The following VTI1A variants were observed in gnomAD, a reference collection of about 807,000 sequenced individuals.
The protein encoded by VTI1A is vesicle transport through interaction with t-SNAREs homolog 1A.
In VTI1A, 22 loss-of-function variants were observed where a neutral mutation model predicts 34.9. The ratio of observed to expected loss-of-function variants is 0.63; its 90% confidence interval spans 0.45 to 0.90. The LOEUF is 0.90. Among genes scored for constraint, VTI1A ranks in the 40% least tolerant of loss-of-function variants. The pLI is 0.00. For synonymous variants in VTI1A, 87 were observed against 97.3 expected, an observed-to-expected ratio of 0.89 and a Z score of 0.62; for missense variants, 268 against 275.6, an observed-to-expected ratio of 0.97 and a Z score of 0.20.
chr10:112,838,113 G>A, the VTI1A span, among the ~76,000 whole-genome samples: 1 of 152,254 alleles, frequency 6.6e-6, no homozygotes, highest in African/African-American at 2.4e-5. Flanking sequence ...CTGGTACTGA[G>A]TGCTTCTCCC....
chr10:112,793,934 C>T (rs901773696), intron 7 of VTI1A, among the ~76,000 whole-genome samples: 2 of 152,130 alleles, frequency 1.3e-5, no homozygotes, highest in African/African-American at 2.4e-5. Flanking sequence ...CAAGCTGTGT[C>T]GGCAAAAGCC....
chr10:112,668,357 A>T (rs1473516528), intron 6 of VTI1A, 69 bp downstream of exon 6: 1 of 1,497,540 alleles, frequency 6.7e-7, no homozygotes, highest in Non-Finnish European at 9.2e-7. Flanking sequence ...GCATTGGGAC[A>T]TAAACAATAG....
chr10:112,599,604 A>G (rs940351114), intron 5 of VTI1A, among the ~76,000 whole-genome samples: 15 of 152,162 alleles, frequency 9.9e-5, no homozygotes, highest in Admixed American at 5.2e-4. Context: ...TTTTTTAAAC[A>G]GAGTCTCACC....
chr10:112,589,668 T>C lies in VTI1A; in HGVS notation c.427+51338T>C, dbSNP rs141453887. On this transcript the variant is annotated intron_variant, in intron 5 of 7. Coordinates refer to ENST00000393077, the MANE Select transcript of VTI1A (RefSeq NM_145206.4). ...CACGGTTGCAAGTGCTCTACATGTA[T>C]TAAGTCTTCTCTGCAACCCTCTGGG... 5.7e-3 allele frequency among the ~76,000 whole-genome samples: 872 copies of C among 152,312 alleles called. 16 individuals are homozygous for C. Among genetic ancestry groups the C allele is most frequent in the African/African-American group, 0.02 (844 of 41,556 alleles).
At chr10:112,520,779 A>G (rs528459430) in intron 3 of VTI1A, among the ~76,000 whole-genome samples, 3 of 151,996 alleles carry the variant, frequency 2.0e-5, no homozygotes, top group African/African-American at 7.2e-5. Context: ...TTTATAGCCA[A>G]AACATAAATA....
chr10:112,585,389 T>TA (rs1844105220), intron 5 of VTI1A, among the ~76,000 whole-genome samples: 1 of 152,210 alleles, frequency 6.6e-6, no homozygotes, highest in Non-Finnish European at 1.5e-5. Context: ...TACAGCTTGT[T>TA]ACTTTTTTTT....
At chr10:112,503,363 AT>A (rs2134160112) in intron 3 of VTI1A, among the ~76,000 whole-genome samples, 1 of 152,248 alleles carries the variant, frequency 6.6e-6, no homozygotes, top group South Asian at 2.1e-4. Context: ...AACATGTGAT[AT>A]TTGCCTTCGT....
intron 5 of VTI1A, among the ~76,000 whole-genome samples, chr10:112,553,482 A>G (rs961231029): frequency 6.6e-6 from 1 of 152,254 alleles, no homozygotes; most frequent in East Asian, 1.9e-4. Context: ...TAGTAACGCT[A>G]GCTGCTGTAA....
intron 7 of VTI1A, among the ~76,000 whole-genome samples, chr10:112,683,782 A>G (rs1321643682): frequency 2.0e-5 from 3 of 152,190 alleles, no homozygotes; most frequent in Non-Finnish European, 2.9e-5. Flanking sequence ...GGTGGCTTAC[A>G]CCTTAATCCC....
chr10:112,511,758 A>G (rs190089292), intron 3 of VTI1A, among the ~76,000 whole-genome samples: 1 of 151,822 alleles, frequency 6.6e-6, no homozygotes, highest in Non-Finnish European at 1.5e-5. Flanking sequence ...CTATATTTCC[A>G]CCGTCTACCT....
intron 5 of VTI1A, among the ~76,000 whole-genome samples, chr10:112,626,175 G>A (rs1171456626): frequency 6.6e-6 from 1 of 152,124 alleles, no homozygotes; most frequent in Non-Finnish European, 1.5e-5. Context: ...TCCTTTTTCA[G>A]ATGATGTGGC....
chr10:112,647,403 C>T (rs1240484278), intron 5 of VTI1A, among the ~76,000 whole-genome samples: 6 of 152,204 alleles, frequency 3.9e-5, no homozygotes, highest in Admixed American at 3.9e-4. Context: ...AAATCATCAA[C>T]ACACTATTTC....
intron 5 of VTI1A, among the ~76,000 whole-genome samples, chr10:112,597,155 A>G (rs1186321030): frequency 6.6e-6 from 1 of 152,148 alleles, no homozygotes; most frequent in African/African-American, 2.4e-5. Context: ...GAGAGTCCTG[A>G]CATTTCCACT....
At chr10:112,768,789 A>G (rs1851718964) in intron 7 of VTI1A, among the ~76,000 whole-genome samples, 1 of 152,186 alleles carries the variant, frequency 6.6e-6, no homozygotes, top group Non-Finnish European at 1.5e-5. Context: ...AAATTTCCTG[A>G]TTTGGGTAAA....
chr10:112,452,180 C>T (rs1456797510), intron 1 of VTI1A, among the ~76,000 whole-genome samples: 2 of 152,170 alleles, frequency 1.3e-5, no homozygotes, highest in Non-Finnish European at 2.9e-5. Context: ...AAATCTGCTT[C>T]ATGAGCTGCT....
chr10:112,741,470 A>G (rs958739894), intron 7 of VTI1A, among the ~76,000 whole-genome samples: 31 of 152,086 alleles, frequency 2.0e-4, no homozygotes, highest in African/African-American at 7.5e-4. Flanking sequence ...CTGTTAACGG[A>G]TATTGGGGTT....
At chr10:112,646,018 A>C (rs1279691245) in intron 5 of VTI1A, among the ~76,000 whole-genome samples, 1 of 148,846 alleles carries the variant, frequency 6.7e-6, no homozygotes, top group African/African-American at 2.5e-5. Flanking sequence ...ATAGAATGCT[A>C]TCTTCTTATC....
At chr10:112,807,925 G>A (rs1421676508) in intron 7 of VTI1A, among the ~76,000 whole-genome samples, 2 of 152,156 alleles carry the variant, frequency 1.3e-5, no homozygotes, top group East Asian at 3.9e-4. Flanking sequence ...TTTCCAGGCT[G>A]GGCATGGTGG....
At chr10:112,662,554 G>A (rs1180628630) in intron 5 of VTI1A, among the ~76,000 whole-genome samples, 1 of 151,960 alleles carries the variant, frequency 6.6e-6, no homozygotes, top group Non-Finnish European at 1.5e-5. Flanking sequence ...CACCGATTAT[G>A]TTTACCTTTT....
Sources: gnomAD v4.1 joint callset for allele counts (sites outside exome capture counted in the v4.1 genomes callset) on GRCh38, gnomAD v4.1.1 for gene constraint, MANE v1.5 for transcripts, NCBI Gene and HGNC (gene_info 2026-07-23, HGNC 2026-07-21) for gene names.